Variants in USP34 observed in about 807,000 individuals in gnomAD.
USP34 encodes the protein ubiquitin specific peptidase 34, also known as ubiquitin carboxyl-terminal hydrolase 34.
USP34 carries 70 observed loss-of-function variants against 460.3 expected under a neutral mutation model. The observed-to-expected ratio is 0.15, with a 90% confidence interval of 0.13 to 0.19. The LOEUF (loss-of-function observed/expected upper bound fraction) is 0.19, where lower values mean the gene tolerates loss of function less well. USP34 is among the 10% of genes least tolerant of loss of function. USP34 has a pLI of 1.00. For missense variants in USP34, 3,985 were observed against 4,236.2 expected (o/e 0.94, Z 1.65); for synonymous variants, 1,647 against 1,405.3 (o/e 1.17, Z -3.85).
At chr2:61,197,094 G>A (rs1686832120) in intron 75 of USP34, among the ~76,000 whole-genome samples, 1 of 152,072 alleles carries the variant, frequency 6.6e-6, no homozygotes, top group Non-Finnish European at 1.5e-5. Flanking sequence ...GGCCAACATA[G>A]TGAAACCCCC....
intron 75 of USP34, among the ~76,000 whole-genome samples, chr2:61,201,557 C>T (rs1686979174): frequency 6.6e-6 from 1 of 152,120 alleles, no homozygotes; most frequent in African/African-American, 2.4e-5. Flanking sequence ...GAGAACTAAA[C>T]CCTATGAGGC....
intron 76 of USP34, chr2:61,191,098 T>C (rs960642219): frequency 6.4e-6 from 1 of 155,954 alleles, no homozygotes; most frequent in African/African-American, 2.4e-5. Context: ...CAAAATGTTT[T>C]AAACTTTACT....
chr2:61,423,288 ATT>A (rs1191741792), intron 1 of USP34, among the ~76,000 whole-genome samples: 11 of 151,902 alleles, frequency 7.2e-5, no homozygotes, highest in African/African-American at 2.4e-4. Context: ...TAGTTTTTGT[ATT>A]TTGTAGAGAG....
At position 61,188,426 on chromosome 2, in the gene USP34, G is replaced by C; in HGVS notation, c.10317C>G (p.Ser3439=). Residue 3439 remains serine (S), a synonymous_variant, in exon 80 of 80, where the codon TCC becomes TCG. Coordinates refer to ENST00000398571, the MANE Select transcript of USP34 (RefSeq NM_014709.4). ...TACAATCGTCATATCTACCATTGTT[G>C]GACTGTTCTTCTGCATGCTGTGACC... ...NIRSQHAEEQ[S]NNGRYDDCKE... is the part of the protein sequence containing the mutation. 1.2e-6 allele frequency: 2 copies of C among 1,614,132 alleles called. No homozygotes were observed. The highest frequency in any genetic ancestry group is 1.7e-6 in the Non-Finnish European group (2 of 1,180,026).
At chr2:61,442,663 C>T (rs940495093) in intron 1 of USP34, among the ~76,000 whole-genome samples, 17 of 152,088 alleles carry the variant, frequency 1.1e-4, no homozygotes, top group South Asian at 4.1e-4. Flanking sequence ...TTAGTGGGAA[C>T]GTAAACTAGC....
In USP34 at chr2:61,331,260, G is replaced by A; in HGVS notation, c.2930+16C>T. 1 of 1,593,956 alleles carries A rather than the reference G, an allele frequency of 6.3e-7. No individual in the cohort carries two copies. The highest frequency in any genetic ancestry group is 8.6e-7 in the Non-Finnish European group (1 of 1,166,586). ...CATCGACACAAATGTATTTAACCCA[G>A]TTGAGAGGTACTTACAGTGCATGTT... On this transcript the variant is annotated intron_variant, in intron 20 of 79. Coordinates refer to ENST00000398571, the MANE Select transcript of USP34 (RefSeq NM_014709.4).
chr2:61,378,608 T>G (rs1692866831), intron 7 of USP34, among the ~76,000 whole-genome samples, 184 bp from the exon 8 acceptor site: 1 of 152,004 alleles, frequency 6.6e-6, no homozygotes, highest in Non-Finnish European at 1.5e-5. Context: ...TCTGTTATAT[T>G]AAAATACTAA....
intron 16 of USP34, among the ~76,000 whole-genome samples, chr2:61,342,090 C>T (rs968254524): frequency 6.6e-6 from 1 of 152,020 alleles, no homozygotes; most frequent in Non-Finnish European, 1.5e-5. Flanking sequence ...CAATAATGGA[C>T]TAACACACAG....
intron 76 of USP34, among the ~76,000 whole-genome samples, chr2:61,192,571 G>T (rs563951031): frequency 4.6e-5 from 7 of 152,308 alleles, no homozygotes; most frequent in Admixed American, 4.6e-4. Flanking sequence ...TGAAGGAGAG[G>T]AAGAAGTGGC....
At chr2:61,387,950 CACACACACATAT>C (rs1356063412) in intron 5 of USP34, among the ~76,000 whole-genome samples, 25 of 147,614 alleles carry the variant, frequency 1.7e-4, no homozygotes, top group Admixed American at 9.0e-4. Context: ...CACACACACA[CACACACACATAT>C]ATATATATAA....
At chr2:61,322,200 AG>A (rs1181890581) in intron 21 of USP34, among the ~76,000 whole-genome samples, 3 of 152,222 alleles carry the variant, frequency 2.0e-5, no homozygotes, top group African/African-American at 7.2e-5. Flanking sequence ...AATGTACTCC[AG>A]CCTGTGTGAC....
intron 20 of USP34, among the ~76,000 whole-genome samples, chr2:61,326,727 G>C (rs1691101563): frequency 6.6e-6 from 1 of 151,394 alleles, no homozygotes; most frequent in African/African-American, 2.4e-5. Context: ...ATAAAACAGT[G>C]GCTGGTCTAT....
chr2:61,267,314 A>G (rs956088720), intron 41 of USP34, among the ~76,000 whole-genome samples: 5 of 152,198 alleles, frequency 3.3e-5, no homozygotes, highest in African/African-American at 1.2e-4. Context: ...CGTACCAAAA[A>G]CAGAAATTTT....
chr2:61,383,238 A>T (rs1693028483), intron 6 of USP34, 31 bp downstream of exon 6: 1 of 1,483,082 alleles, frequency 6.7e-7, no homozygotes, highest in African/African-American at 1.4e-5. Flanking sequence ...TTACACTGAT[A>T]ATCGGGGGTA....
chr2:61,310,934 A>C (rs907423562), intron 27 of USP34, among the ~76,000 whole-genome samples: 11 of 152,210 alleles, frequency 7.2e-5, no homozygotes, highest in Non-Finnish European at 1.6e-4. Flanking sequence ...AGTCTAAAAT[A>C]GAATTTTTTG....
chr2:61,376,467 G>A (rs1692802763), intron 8 of USP34, among the ~76,000 whole-genome samples: 1 of 152,120 alleles, frequency 6.6e-6, no homozygotes, highest in Non-Finnish European at 1.5e-5. Context: ...ACAACACCTA[G>A]CCTGAATGTG....
At chr2:61,239,339 CACACACACACACAG>C (rs1198181208) in intron 53 of USP34, among the ~76,000 whole-genome samples, 9 of 144,300 alleles carry the variant, frequency 6.2e-5, no homozygotes, top group African/African-American at 2.2e-4. Flanking sequence ...CACACACACA[CACACACACACACAG>C]AAGTTTGAGA....
At chr2:61,377,565 C>G (rs1273635544) in intron 8 of USP34, among the ~76,000 whole-genome samples, 1 of 151,998 alleles carries the variant, frequency 6.6e-6, no homozygotes, top group Non-Finnish European at 1.5e-5. Context: ...AAAGGGACCC[C>G]AGAGACCTCT....
At chr2:61,273,114 C>T (rs1689265036) in intron 41 of USP34, among the ~76,000 whole-genome samples, 1 of 151,994 alleles carries the variant, frequency 6.6e-6, no homozygotes, top group Non-Finnish European at 1.5e-5. Context: ...TATCAACATA[C>T]CAACAAAAAG....
Sources: gnomAD v4.1 joint callset for allele counts (sites outside exome capture counted in the v4.1 genomes callset) on GRCh38, gnomAD v4.1.1 for gene constraint, MANE v1.5 for transcripts, NCBI Gene and HGNC (gene_info 2026-07-23, HGNC 2026-07-21) for gene names.